PCDHB16: variants seen among roughly 807,000 people sequenced by gnomAD.
PCDHB16 encodes protocadherin beta 16.
For synonymous variants in PCDHB16, 444 were observed against 436.5 expected, an observed-to-expected ratio of 1.02 and a Z score of -0.21; for missense variants, 1,026 against 989.9, an observed-to-expected ratio of 1.04 and a Z score of -0.49.
chr5:141,183,317 A>G lies in PCDHB16; in HGVS notation c.758A>G (p.Glu253Gly), dbSNP rs1753614587. The change falls in exon 1 of 1, where the codon GAG becomes GGG. Residue 253 changes from glutamate (E) to glycine (G), a missense_variant. Glu to Gly is a moderately conservative substitution (Grantham distance 98). Coordinates refer to ENST00000609684, the MANE Select transcript of PCDHB16 (RefSeq NM_020957.4). The part of the protein sequence containing the change: ...EQPIYKVQIP[E>G]NSPLGSLVAT... Reference sequence around the variant, plus strand: ...CCCATCTACAAAGTGCAGATTCCAGAGAACAGTCCTCTTGGCTCCCTGGTT... The same window carrying G: ...CCCATCTACAAAGTGCAGATTCCAGGGAACAGTCCTCTTGGCTCCCTGGTT... 38 of 1,614,050 alleles carry G rather than the reference A, an allele frequency of 2.4e-5. No homozygotes were observed. The East Asian group carries it at 8.2e-4, about 35-fold the overall frequency.
Position 141,184,960 on chromosome 5 carries a change from C to T in PCDHB16, c.*70C>T. 1 of 1,551,082 alleles carries T rather than the reference C, an allele frequency of 6.4e-7. No homozygotes were observed. The highest frequency in any genetic ancestry group is 1.2e-5 in the South Asian group (1 of 80,356). On this transcript the variant is annotated 3_prime_UTR_variant, in exon 1 of 1. Coordinates refer to ENST00000609684, the MANE Select transcript of PCDHB16 (RefSeq NM_020957.4). ...CTTTGGATTTAATTATTGATAGGAA[C>T]CCATTTGATAAATTCCTTAACTTCT...
In PCDHB16 at chr5:141,184,230, C is replaced by T. The variant is rs1554282322; in HGVS notation, c.1671C>T (p.Asn557=). 1.9e-6 allele frequency: 3 copies of T among 1,575,324 alleles called. No homozygotes were observed. Among genetic ancestry groups the T allele is most frequent in the South Asian group, 2.2e-5 (2 of 89,650 alleles). ...TGCTGGTGCTGGACGCCAACGACAACTCGCCCTTCGTGCTGTACCCGCTGC... is the reference window on the plus strand; with the variant it reads ...TGCTGGTGCTGGACGCCAACGACAATTCGCCCTTCGTGCTGTACCCGCTGC... ...VRVLVLDAND[N]SPFVLYPLQN... is the part of the protein sequence containing the mutation. The change falls in exon 1 of 1, where the codon AAC becomes AAT. Residue 557 remains asparagine, a synonymous_variant. Coordinates refer to ENST00000609684, the MANE Select transcript of PCDHB16 (RefSeq NM_020957.4).
At position 141,184,269 on chromosome 5, in the gene PCDHB16, G is replaced by T. The variant is rs782035459; in HGVS notation, c.1710G>T (p.Ala570=). The T allele has an allele frequency of 1.3e-6, 2 of 1,592,258 alleles. No homozygotes were observed. Among genetic ancestry groups the T allele is most frequent in the South Asian group, 1.1e-5 (1 of 90,200 alleles). ...TGTACCCGCTGCAGAACGGCTCCGC[G>T]CCCTGCACTGAGCTGGTGCCCCGGG... is the stretch of plus-strand genomic sequence containing the variant. ...FVLYPLQNGS[A]PCTELVPRAA... Residue 570 remains alanine, a synonymous_variant, in exon 1 of 1, where the codon GCG becomes GCT. Coordinates refer to ENST00000609684, the MANE Select transcript of PCDHB16 (RefSeq NM_020957.4).
Position 141,182,646 on chromosome 5 carries a change from GT to G in PCDHB16, c.89del (p.Leu30TrpfsTer6). 1 of 1,588,440 alleles carries G rather than the reference GT, an allele frequency of 6.3e-7. No homozygotes were observed. The highest frequency in any genetic ancestry group is 8.6e-7 in the Non-Finnish European group (1 of 1,168,378). ...TGAGCTTGTCTGGGGCGGGCGCCGA[GT>G]TGGGGTCCTATTCCGTAGTGGAAGA... ...LLSLSGAGAE[L>X]GSYSVVEETE... is the part of the protein sequence containing the mutation. On this transcript the variant is annotated frameshift_variant, in exon 1 of 1. Coordinates refer to ENST00000609684, the MANE Select transcript of PCDHB16 (RefSeq NM_020957.4). LOFTEE classifies it low-confidence loss of function (END_TRUNC).
chr5:141,185,117 C>T lies in PCDHB16; in HGVS notation c.*227C>T. The T allele has an allele frequency of 7.5e-7, 1 of 1,327,610 alleles. No homozygotes were observed. Among genetic ancestry groups the T allele is most frequent in the Non-Finnish European group, 9.7e-7 (1 of 1,035,198 alleles). 82.2% of individuals were successfully genotyped at this position (1,327,610 alleles called of 1,614,324 possible). ...TCATATTTACCCCGAAGAGGTGTTG[C>T]ATATAGAATCCCAATTAACAAAATA... On this transcript the variant is annotated 3_prime_UTR_variant, in exon 1 of 1. Coordinates refer to ENST00000609684, the MANE Select transcript of PCDHB16 (RefSeq NM_020957.4).
At position 141,183,321 on chromosome 5, in the gene PCDHB16, C is replaced by T. The variant is rs571649645; in HGVS notation, c.762C>T (p.Asn254=). The T allele has an allele frequency of 1.2e-6, 2 of 1,614,076 alleles. No individual in the cohort carries two copies. Among genetic ancestry groups the T allele is most frequent in the East Asian group, 2.2e-5 (1 of 44,892 alleles). ...TCTACAAAGTGCAGATTCCAGAGAA[C>T]AGTCCTCTTGGCTCCCTGGTTGCCA... ...QPIYKVQIPE[N]SPLGSLVATV... Residue 254 remains asparagine, a synonymous_variant, in exon 1 of 1, where the codon AAC becomes AAT. Coordinates refer to ENST00000609684, the MANE Select transcript of PCDHB16 (RefSeq NM_020957.4).
chr5:141,183,850 C>T lies in PCDHB16; in HGVS notation c.1291C>T (p.Leu431=), dbSNP rs1563935500. Residue 431 remains leucine, a synonymous_variant, in exon 1 of 1, where the codon CTG becomes TTG. Coordinates refer to ENST00000609684, the MANE Select transcript of PCDHB16 (RefSeq NM_020957.4). ...CGTCACAGATATGGGGACTCCAAGG[C>T]TGAAAACGGAGCACAACATAACAGT... ...LTVTDMGTPR[L]KTEHNITVQI... 6.2e-7 allele frequency: 1 copy of T among 1,614,128 alleles called. No homozygotes were observed. The highest frequency in any genetic ancestry group is 8.5e-7 in the Non-Finnish European group (1 of 1,180,058).
Position 141,183,089 on chromosome 5 carries a change from A to C in PCDHB16, c.530A>C (p.His177Pro), listed in dbSNP as rs1311163494. 3 of 1,614,032 alleles carry C rather than the reference A, an allele frequency of 1.9e-6. No homozygotes were observed. In the African/African-American group the frequency reaches 4.0e-5, roughly 22 times the overall value. Reference protein sequence around the residue: ...VQNYKISPSSHFRVLIHEFRD... With the variant: ...VQNYKISPSSPFRVLIHEFRD... Reference sequence around the variant, plus strand: ...AACTATAAAATCAGCCCAAGCTCTCATTTCCGGGTTCTAATCCATGAATTC... The same window carrying C: ...AACTATAAAATCAGCCCAAGCTCTCCTTTCCGGGTTCTAATCCATGAATTC... The change falls in exon 1 of 1, where the codon CAT becomes CCT. Residue 177 changes from histidine to proline, a missense_variant. Transcript: ENST00000609684.
At position 141,182,942 on chromosome 5, in the gene PCDHB16, A is replaced by T; in HGVS notation, c.383A>T (p.Asp128Val). Residue 128 changes from aspartate (D) to valine (V), a missense_variant, in exon 1 of 1, where the codon GAC becomes GTC. Coordinates refer to ENST00000609684, the MANE Select transcript of PCDHB16 (RefSeq NM_020957.4). ...GAACTGAGGGTGATAGATATAAATG[A>T]CCATTCTCCCATGTTCACTGAAAAG... ...QAELRVIDIN[D>V]HSPMFTEKEM... The T allele has an allele frequency of 1.2e-6, 2 of 1,614,154 alleles. No homozygotes were observed. The highest frequency in any genetic ancestry group is 1.7e-6 in the Non-Finnish European group (2 of 1,180,012).
rs146448102 is a variant in PCDHB16 at position 141,184,536 on chromosome 5, C to A, written c.1977C>A (p.His659Gln). The change falls in exon 1 of 1, where the codon CAC (histidine) becomes CAA (glutamine). Residue 659 changes from histidine to glutamine, a missense_variant. Physicochemically the swap from His to Gln is conservative, Grantham distance 24. Coordinates refer to ENST00000609684, the MANE Select transcript of PCDHB16 (RefSeq NM_020957.4). Reference sequence around the variant, plus strand: ...CGCGCTCGGCCACCGCCACGCTGCACGTGCTCCTGGTGGACGGCTTCTCCC... The same window carrying A: ...CGCGCTCGGCCACCGCCACGCTGCAAGTGCTCCTGGTGGACGGCTTCTCCC... Reference protein sequence around the residue: ...EPPRSATATLHVLLVDGFSQP... With the variant: ...EPPRSATATLQVLLVDGFSQP... 1,313 of 1,610,616 alleles carry A rather than the reference C, an allele frequency of 8.2e-4. 7 individuals are homozygous for A. The African/African-American group carries it at 0.014, about 17-fold the overall frequency.
rs782659686 is a variant in PCDHB16 at position 141,184,245 on chromosome 5, G to T, written c.1686G>T (p.Leu562=). ...CCAACGACAACTCGCCCTTCGTGCT[G>T]TACCCGCTGCAGAACGGCTCCGCGC... The part of the protein sequence containing the change: ...LDANDNSPFV[L]YPLQNGSAPC... Residue 562 remains leucine (L), a synonymous_variant, in exon 1 of 1, where the codon CTG becomes CTT. Coordinates refer to ENST00000609684, the MANE Select transcript of PCDHB16 (RefSeq NM_020957.4). The T allele has an allele frequency of 5.0e-6, 8 of 1,585,720 alleles. No homozygotes were observed. Among genetic ancestry groups the T allele is most frequent in the South Asian group, 1.1e-5 (1 of 89,976 alleles).
At position 141,182,626 on chromosome 5, in the gene PCDHB16, T is replaced by C. The variant is rs372446999; in HGVS notation, c.67T>C (p.Leu23=). ...QVLVFFVLLS[L]SGAGAELGSY... is the part of the protein sequence containing the mutation. ...CCTTGTTTTCTTTGTTTTGCTGAGCTTGTCTGGGGCGGGCGCCGAGTTGGG... is the reference window on the plus strand; with the variant it reads ...CCTTGTTTTCTTTGTTTTGCTGAGCCTGTCTGGGGCGGGCGCCGAGTTGGG... Residue 23 remains leucine, a synonymous_variant, in exon 1 of 1, where the codon TTG becomes CTG. Transcript: ENST00000609684. 1 of 1,563,356 alleles carries C rather than the reference T, an allele frequency of 6.4e-7. No individual in the cohort carries two copies. Among genetic ancestry groups the C allele is most frequent in the Admixed American group, 2.0e-5 (1 of 49,324 alleles).
rs1178481368 is a variant in PCDHB16 at position 141,186,045 on chromosome 5, A to T, written c.*1155A>T. The stretch of plus-strand genomic sequence containing the variant: ...TCTCATTAAGTTGGAAAAAAAACTT[A>T]TCAAAGAGACATTTACATGGTTTGG... On this transcript the variant is annotated 3_prime_UTR_variant, in exon 1 of 1. Coordinates refer to ENST00000609684, the MANE Select transcript of PCDHB16 (RefSeq NM_020957.4). 17 of 997,766 alleles carry T rather than the reference A, an allele frequency of 1.7e-5. No individual in the cohort carries two copies. The highest frequency in any genetic ancestry group is 2.1e-5 in the Non-Finnish European group (17 of 827,800). The allele number at this position is 997,766 out of a possible 1,614,324, so 61.8% of individuals were successfully genotyped here.
Position 141,183,773 on chromosome 5 carries a change from C to G in PCDHB16, c.1214C>G (p.Thr405Arg). 1 of 1,614,166 alleles carries G rather than the reference C, an allele frequency of 6.2e-7. No individual in the cohort carries two copies. Among genetic ancestry groups the G allele is most frequent in the Non-Finnish European group, 8.5e-7 (1 of 1,180,014 alleles). Residue 405 changes from threonine to arginine, a missense_variant, in exon 1 of 1, where the codon ACG becomes AGG. Transcript: ENST00000609684. ...GTCAAGAACTTTTACACCTTGGTAA[C>G]GGAGAGAGCACTCGACAGAGAAGCA... ...PSVKNFYTLV[T>R]ERALDREARA...
Position 141,183,307 on chromosome 5 carries a change from C to A in PCDHB16, c.748C>A (p.Gln250Lys), listed in dbSNP as rs1554282120. Reference sequence around the variant, plus strand: ...GTTTGAGCAGCCCATCTACAAAGTGCAGATTCCAGAGAACAGTCCTCTTGG... The same window carrying A: ...GTTTGAGCAGCCCATCTACAAAGTGAAGATTCCAGAGAACAGTCCTCTTGG... ...PEFEQPIYKVQIPENSPLGSL... is the reference protein window; with the variant it reads ...PEFEQPIYKVKIPENSPLGSL... Residue 250 changes from glutamine (Q) to lysine (K), a missense_variant, in exon 1 of 1, where the codon CAG (glutamine) becomes AAG (lysine). Physicochemically the swap from Gln to Lys is moderately conservative, Grantham distance 53. Coordinates refer to ENST00000609684, the MANE Select transcript of PCDHB16 (RefSeq NM_020957.4). 6.2e-7 allele frequency: 1 copy of A among 1,614,154 alleles called. No homozygotes were observed. Among genetic ancestry groups the A allele is most frequent in the Non-Finnish European group, 8.5e-7 (1 of 1,180,014 alleles).
At position 141,182,792 on chromosome 5, in the gene PCDHB16, A is replaced by G. The variant is rs782003903; in HGVS notation, c.233A>G (p.Lys78Arg). Residue 78 changes from lysine (K) to arginine (R), a missense_variant, in exon 1 of 1, where the codon AAG becomes AGG. Coordinates refer to ENST00000609684, the MANE Select transcript of PCDHB16 (RefSeq NM_020957.4). ...SQGNKQHLQL[K>R]AQTGDLLINE... ...GGGAACAAACAGCATTTGCAGCTCA[A>G]GGCTCAAACTGGGGATTTGCTCATA... is the stretch of plus-strand genomic sequence containing the variant. The G allele has an allele frequency of 3.1e-6, 5 of 1,614,156 alleles. No individual in the cohort carries two copies. The Admixed American group carries it at 6.7e-5, about 22-fold the overall frequency.
In PCDHB16 at chr5:141,184,075, A is replaced by T. The variant is rs782410560; in HGVS notation, c.1516A>T (p.Ile506Phe). Residue 506 changes from isoleucine to phenylalanine, a missense_variant, in exon 1 of 1, where the codon ATC (isoleucine) becomes TTC (phenylalanine). Coordinates refer to ENST00000609684, the MANE Select transcript of PCDHB16 (RefSeq NM_020957.4). The stretch of plus-strand genomic sequence containing the variant: ...CCTGCCCCTCGCCTCCCTGGTCTCC[A>T]TCAACGCGGACAACGGCCACCTGTT... The part of the protein sequence containing the change: ...PHLPLASLVS[I>F]NADNGHLFAL... 2 of 1,590,844 alleles carry T rather than the reference A, an allele frequency of 1.3e-6. No homozygotes were observed. Among genetic ancestry groups the T allele is most frequent in the Non-Finnish European group, 1.7e-6 (2 of 1,171,388 alleles).
Position 141,184,741 on chromosome 5 carries a change from C to T in PCDHB16, c.2182C>T (p.Pro728Ser), listed in dbSNP as rs2149662321. 7 of 1,614,058 alleles carry T rather than the reference C, an allele frequency of 4.3e-6. No individual in the cohort carries two copies. In the Middle Eastern group the frequency reaches 8.3e-4, roughly 190 times the overall value. The change falls in exon 1 of 1, where the codon CCT becomes TCT. Residue 728 changes from proline to serine, a missense_variant. Coordinates refer to ENST00000609684, the MANE Select transcript of PCDHB16 (RefSeq NM_020957.4). ...GGCCTCGGTGGGCCGCTGCTCGATGCCTGAGGGCCCCTTTCCAGGGCGTCT... is the reference window on the plus strand; with the variant it reads ...GGCCTCGGTGGGCCGCTGCTCGATGTCTGAGGGCCCCTTTCCAGGGCGTCT... ...RAASVGRCSM[P>S]EGPFPGRLVD... is the part of the protein sequence containing the mutation.
In PCDHB16 at chr5:141,185,315, G is replaced by T; in HGVS notation, c.*425G>T. On this transcript the variant is annotated 3_prime_UTR_variant, in exon 1 of 1. Coordinates refer to ENST00000609684, the MANE Select transcript of PCDHB16 (RefSeq NM_020957.4). The stretch of plus-strand genomic sequence containing the variant: ...ATATTTCCTATGTTACATTTCTTTT[G>T]TCTATTTTCCTTTCAAAATTGGTAT... 1.1e-6 allele frequency: 1 copy of T among 902,628 alleles called. No individual in the cohort carries two copies. The allele number at this position is 902,628 out of a possible 1,614,324, so 55.9% of individuals were successfully genotyped here. A position where few individuals can be genotyped will look rare whatever the true frequency, so the allele number is the denominator to read the frequency against.
Sources: allele counts gnomAD v4.1 joint callset, GRCh38; gene constraint gnomAD v4.1.1; transcripts MANE v1.5; gene names NCBI Gene and HGNC (gene_info 2026-07-23, HGNC 2026-07-21).